ATG2B: variants seen among roughly 807,000 people sequenced by gnomAD.
The protein encoded by ATG2B is autophagy related 2B.
Under a neutral mutation model 241.3 loss-of-function variants are expected in ATG2B, and 121 were observed. The ratio of observed to expected loss-of-function variants is 0.50; its 90% CI spans 0.43 to 0.58. The LOEUF (loss-of-function observed/expected upper bound fraction) is 0.58, where lower values mean the gene tolerates loss of function less well. Ranked by LOEUF, ATG2B falls within the 20% of genes least tolerant of loss-of-function variation. The pLI, the probability that ATG2B is intolerant of heterozygous loss-of-function variation, is 0.00. For missense variants in ATG2B, 2,306 were observed against 2,491.6 expected (o/e 0.93, Z 1.59); for synonymous variants, 858 against 876.6 (o/e 0.98, Z 0.37).
rs1171485761 is a variant in ATG2B, at chr14:96,333,773, A to G, written c.1122T>C (p.Tyr374=). ...CCACAGAGAGGGAATCTTTTCTCAA[A>G]TAATACCGGTTTAATTCCATCTGAA... is the stretch of plus-strand genomic sequence containing the variant. ...YRIQMELNRY[Y]LRKDSLSVGV... Residue 374 remains tyrosine, a synonymous_variant, in exon 8 of 42, where the codon TAT becomes TAC. Coordinates refer to ENST00000359933, the MANE Select transcript of ATG2B (RefSeq NM_018036.7). 2.5e-6 allele frequency: 4 copies of G among 1,613,868 alleles called. No individual in the cohort carries two copies. Among genetic ancestry groups the G allele is most frequent in the Non-Finnish European group, 3.4e-6 (4 of 1,179,914 alleles).
In ATG2B at chr14:96,323,920, G is replaced by C; in HGVS notation, c.2516C>G (p.Ser839Trp). The C allele has an allele frequency of 6.2e-7, 1 of 1,610,966 alleles. No homozygotes were observed. Among genetic ancestry groups the C allele is most frequent in the Non-Finnish European group, 8.5e-7 (1 of 1,178,532 alleles). Reference protein sequence around the residue: ...VSSGVDGDTTSSDDFDWPRIV... With the variant: ...VSSGVDGDTTWSDDFDWPRIV... ...CCGTGGCCAGTCAAAGTCATCTGAC[G>C]ATGTTGTATCTCCATCTACTCCACT... is the stretch of plus-strand genomic sequence containing the variant. The change falls in exon 16 of 42, where the codon TCG becomes TGG. Residue 839 changes from serine (S) to tryptophan (W), a missense_variant. By Grantham distance (177) the Ser-to-Trp change is radical. Coordinates refer to ENST00000359933, the MANE Select transcript of ATG2B (RefSeq NM_018036.7).
rs1379213832 is a variant in ATG2B at position 96,322,531 on chromosome 14, C to T, written c.2736+9G>A. 2 of 1,606,270 alleles carry T rather than the reference C, an allele frequency of 1.2e-6. No individual in the cohort carries two copies. The highest frequency in any genetic ancestry group is 1.7e-6 in the Non-Finnish European group (2 of 1,177,420). On this transcript the variant is annotated intron_variant, in intron 17 of 41. Coordinates refer to ENST00000359933, the MANE Select transcript of ATG2B (RefSeq NM_018036.7). ...GTATTATTCCTTTGTAGCTTGCTCA[C>T]ACTTTTACCTGTTCATTTTCAAACA...
At position 96,320,723 on chromosome 14, in the gene ATG2B, G is replaced by GA. The variant is rs574251633; in HGVS notation, c.2879+1388dup. 2.6e-3 allele frequency among the ~76,000 whole-genome samples: 394 copies of GA among 152,188 alleles called. 2 individuals are homozygous for GA. Among genetic ancestry groups the GA allele is most frequent in the Non-Finnish European group, 5.0e-3 (337 of 68,002 alleles). On this transcript the variant is annotated intron_variant, in intron 18 of 41. Coordinates refer to ENST00000359933, the MANE Select transcript of ATG2B (RefSeq NM_018036.7). ...AATCTGCTCAGTCAATGCAGAATGA[G>GA]AAAAAAATAGGTCAAGTGTTTTTGA...
intron 11 of ATG2B, among the ~76,000 whole-genome samples, chr14:96,331,098 CTT>C (rs1296550821): frequency 3.9e-5 from 6 of 152,192 alleles, no homozygotes. Context: ...GTTAAAGAAA[CTT>C]GACAAGAGCT....
intron 18 of ATG2B, among the ~76,000 whole-genome samples, chr14:96,319,044 G>T (rs1259191912): frequency 6.6e-6 from 1 of 152,214 alleles, no homozygotes; most frequent in Admixed American, 6.5e-5. Flanking sequence ...CCAAAACCCA[G>T]ACTCATCGTA....
rs763328984 is a variant in ATG2B at position 96,322,707 on chromosome 14, T to C, written c.2569A>G (p.Met857Val). 7.4e-6 allele frequency: 12 copies of C among 1,613,310 alleles called. No homozygotes were observed. Among genetic ancestry groups the C allele is most frequent in the East Asian group, 4.5e-5 (2 of 44,858 alleles). ...RIVLKINPPA[M>V]HSILERIAAE... The stretch of plus-strand genomic sequence containing the variant: ...GCAATTCTCTCCAAAATGGAATGCA[T>C]GGCTGGTGGATTTATTTTCAGTACA... Residue 857 changes from methionine (M) to valine (V), a missense_variant, in exon 17 of 42, where the codon ATG becomes GTG. Met to Val is a conservative substitution (Grantham distance 21). This residue lies in a region of ATG2B where 1,927 missense variants were observed against 2,011.2 expected (regional missense o/e 0.96). Transcript: ENST00000359933.
Position 96,285,945 on chromosome 14 carries a change from G to A in ATG2B, c.6047C>T (p.Ala2016Val). 1 of 1,613,970 alleles carries A rather than the reference G, an allele frequency of 6.2e-7. No homozygotes were observed. The highest frequency in any genetic ancestry group is 8.5e-7 in the Non-Finnish European group (1 of 1,180,010). Reference sequence around the variant, plus strand: ...CACCCCTCTGCTCTCGTGTTCTCGAGCCGCAGTTTCATAAATGGTCTGAGC... The same window carrying A: ...CACCCCTCTGCTCTCGTGTTCTCGAACCGCAGTTTCATAAATGGTCTGAGC... Reference protein sequence around the residue: ...DTAQTIYETAAREHESRGVTG... With the variant: ...DTAQTIYETAVREHESRGVTG... The change falls in exon 42 of 42, where the codon GCT (alanine) becomes GTT (valine). Residue 2016 changes from alanine (A) to valine (V), a missense_variant. Physicochemically the swap from Ala to Val is moderately conservative, Grantham distance 64 (BLOSUM62 0). Coordinates refer to ENST00000359933, the MANE Select transcript of ATG2B (RefSeq NM_018036.7). This position sits in a 1 kb window ranked among gnomAD's most constrained non-coding sequence, Gnocchi z 4.2.
chr14:96,292,279 T>G (rs946233171), intron 36 of ATG2B, among the ~76,000 whole-genome samples, 181 bp from the exon 37 acceptor site: 5 of 152,188 alleles, frequency 3.3e-5, no homozygotes, highest in African/African-American at 1.2e-4. Flanking sequence ...ATATAACAAT[T>G]AAACAGATGT....
intron 2 of ATG2B, among the ~76,000 whole-genome samples, chr14:96,346,721 A>G (rs1888178983): frequency 6.6e-6 from 1 of 152,172 alleles, no homozygotes; most frequent in African/African-American, 2.4e-5. Context: ...TATCTGTATC[A>G]GTATGGTCCT....
At position 96,290,904 on chromosome 14, in the gene ATG2B, C is replaced by A. The variant is rs1482400272; in HGVS notation, c.5611G>T (p.Ala1871Ser). 1.2e-6 allele frequency: 2 copies of A among 1,611,978 alleles called. No individual in the cohort carries two copies. Among genetic ancestry groups the A allele is most frequent in the East Asian group, 4.5e-5 (2 of 44,852 alleles). The change falls in exon 39 of 42, where the codon GCA becomes TCA. Residue 1871 changes from alanine (A) to serine (S), a missense_variant. By Grantham distance (99) the Ala-to-Ser change is moderately conservative. Transcript: ENST00000359933. The surrounding 1 kb of genome is among the most constrained non-coding windows in gnomAD (Gnocchi z 4.4). ...LLGVDKLFSY[A>S]ITEWLNDIKK... ...ATGTCATTAAGCCACTCAGTGATTG[C>A]ATATGAGAATAATTTGTCAACGCCT...
chr14:96,350,565 T>C (rs373225788), intron 1 of ATG2B, among the ~76,000 whole-genome samples: 1 of 152,190 alleles, frequency 6.6e-6, no homozygotes, highest in East Asian at 1.9e-4. Flanking sequence ...AGAACGTAAA[T>C]GCGATTTTTA....
chr14:96,315,841 T>C (rs1264041496), intron 21 of ATG2B, among the ~76,000 whole-genome samples: 4 of 152,204 alleles, frequency 2.6e-5, no homozygotes, highest in African/African-American at 2.4e-5. Flanking sequence ...AAACATCTCA[T>C]GTCTATGAAA....
rs1887282162 is a variant in ATG2B, at chr14:96,315,460, C to T, written c.3485G>A (p.Gly1162Glu). Residue 1162 changes from glycine to glutamate, a missense_variant, in exon 22 of 42, where the codon GGA (glycine) becomes GAA (glutamate). By Grantham distance (98) the Gly-to-Glu change is moderately conservative (BLOSUM62 -2). Around this residue, in one of 2 missense-constraint regions of ATG2B, gnomAD observed 1,927 missense variants for 2,011.2 expected, o/e 0.96. Transcript: ENST00000359933. ...CATATTCAAACTGTCTCCTCCAACT[C>T]CATCTGAAGAAGTTTTACTGAGGCC... ...EDGLSKTSSDGVGGDSLNMLS... is the reference protein window; with the variant it reads ...EDGLSKTSSDEVGGDSLNMLS... The T allele has an allele frequency of 5.6e-6, 9 of 1,614,142 alleles. No individual in the cohort carries two copies. The highest frequency in any genetic ancestry group is 6.8e-6 in the Non-Finnish European group (8 of 1,180,014).
intron 8 of ATG2B, among the ~76,000 whole-genome samples, chr14:96,332,946 G>T (rs1244305348): frequency 6.6e-6 from 1 of 152,048 alleles, no homozygotes; most frequent in African/African-American, 2.4e-5. Flanking sequence ...AATGTGATAT[G>T]CCAGTTTAGG....
chr14:96,307,210 C>T (rs934160004), intron 29 of ATG2B, among the ~76,000 whole-genome samples: 1 of 151,956 alleles, frequency 6.6e-6, no homozygotes, highest in Non-Finnish European at 1.5e-5. Context: ...TCAGGAGTTA[C>T]AGACCAGCCT....
Position 96,346,996 on chromosome 14 carries a change from C to T in ATG2B, c.325+183G>A, listed in dbSNP as rs115343702. On this transcript the variant is annotated intron_variant, in intron 2 of 41. Transcript: ENST00000359933. ...GTATACTAAAGTTTCTGTGAAAAAT[C>T]GGGGAAAGAAACAACTCTAAATTTG... Among the ~76,000 whole-genome samples the T allele has an allele frequency of 6.3e-3, 964 of 152,214 alleles. 13 individuals carry two copies. The highest frequency in any genetic ancestry group is 0.022 in the African/African-American group (918 of 41,534).
intron 8 of ATG2B, 106 bp from the exon 9 acceptor site, chr14:96,332,761 G>A (rs1239675132): frequency 1.4e-5 from 12 of 874,658 alleles, no homozygotes; most frequent in Non-Finnish European, 1.9e-5. Context: ...GATTATATGA[G>A]ATACAGCGAT....
intron 24 of ATG2B, 66 bp downstream of exon 24, chr14:96,313,263 T>A (rs941337568): frequency 2.2e-6 from 3 of 1,377,996 alleles, no homozygotes; most frequent in African/African-American, 2.9e-5. Flanking sequence ...TACTGAATTA[T>A]GTATTTTTTT....
In ATG2B at chr14:96,311,223, G is replaced by A. The variant is rs1887145809; in HGVS notation, c.4055C>T (p.Ser1352Phe). The change falls in exon 28 of 42, where the codon TCT becomes TTT. Residue 1352 changes from serine to phenylalanine, a missense_variant. Transcript: ENST00000359933. Reference protein sequence around the residue: ...DVVHIRTCSDSCAALMNLIQY... With the variant: ...DVVHIRTCSDFCAALMNLIQY... ...AATGAGATTCATTAACGCAGCACAA[G>A]AGTCTGAGCACGTTCTGATATGGAC... 1 of 1,613,910 alleles carries A rather than the reference G, an allele frequency of 6.2e-7. No homozygotes were observed. Among genetic ancestry groups the A allele is most frequent in the African/African-American group, 1.3e-5 (1 of 74,914 alleles).
Sources: allele counts gnomAD v4.1 joint callset (sites outside exome capture counted in the v4.1 genomes callset), GRCh38; gene constraint gnomAD v4.1.1; regional missense constraint gnomAD v4.1.1; non-coding constraint Gnocchi (gnomAD v3.1); transcripts MANE v1.5; gene names NCBI Gene and HGNC (gene_info 2026-07-23, HGNC 2026-07-21).